GMPS: variants seen among roughly 807,000 people sequenced by gnomAD.
GMPS encodes GMP synthase [glutamine-hydrolyzing].
GMPS carries 15 observed loss-of-function variants against 77.9 expected under a neutral mutation model. The ratio of observed to expected loss-of-function variants is 0.19; its 90% CI spans 0.13 to 0.30. GMPS has a LOEUF of 0.30. GMPS is among the 10% of genes least tolerant of loss of function. The pLI, the probability that GMPS is intolerant of heterozygous loss-of-function variation, is 1.00. For missense variants in GMPS, 590 were observed against 838.8 expected (o/e 0.70, Z 3.66); for synonymous variants, 224 against 275.9 (o/e 0.81, Z 1.86).
intron 7 of GMPS, among the ~76,000 whole-genome samples, chr3:155,912,772 G>A (rs1159261711): frequency 1.3e-5 from 2 of 152,168 alleles, no homozygotes; most frequent in African/African-American, 4.8e-5. Flanking sequence ...CAACCTTGGG[G>A]TGGGGTGGGA....
chr3:155,934,104 A>G (rs1680519822), intron 13 of GMPS, among the ~76,000 whole-genome samples: 1 of 152,206 alleles, frequency 6.6e-6, no homozygotes, highest in Non-Finnish European at 1.5e-5. Context: ...AGATGAGTTT[A>G]CTAATTTTGG....
At chr3:155,904,885 A>G (rs1306495638) in intron 4 of GMPS, among the ~76,000 whole-genome samples, 2 of 152,216 alleles carry the variant, frequency 1.3e-5, no homozygotes, top group Non-Finnish European at 2.9e-5. Context: ...ATCACAACCT[A>G]TACTATTCCT....
At chr3:155,915,914 G>C in intron 8 of GMPS, 105 bp from the exon 9 acceptor site, 1 of 688,962 alleles carries the variant, frequency 1.5e-6, no homozygotes, top group Non-Finnish European at 2.4e-6. Flanking sequence ...TTTATTTTCT[G>C]ATCAGTATTT....
At chr3:155,894,540 A>T (rs1235963224) in intron 2 of GMPS, among the ~76,000 whole-genome samples, 1 of 151,834 alleles carries the variant, frequency 6.6e-6, no homozygotes, top group Non-Finnish European at 1.5e-5. Flanking sequence ...ATGCTTTTTA[A>T]TGCTTTTTTT....
chr3:155,889,410 A>G (rs1270476870), intron 1 of GMPS, among the ~76,000 whole-genome samples: 1 of 152,022 alleles, frequency 6.6e-6, no homozygotes. Flanking sequence ...CTTGTGTACT[A>G]TTGGTGTGGG....
At chr3:155,876,168 A>G (rs1051574655) in intron 1 of GMPS, among the ~76,000 whole-genome samples, 5 of 152,162 alleles carry the variant, frequency 3.3e-5, no homozygotes, top group Non-Finnish European at 5.9e-5. Flanking sequence ...CAAATACCCC[A>G]TATTTCCCAG....
At chr3:155,918,342 C>T (rs966403293) in intron 9 of GMPS, among the ~76,000 whole-genome samples, 3 of 152,168 alleles carry the variant, frequency 2.0e-5, no homozygotes, top group African/African-American at 7.2e-5. Flanking sequence ...GTCCCAGCTA[C>T]TCTGGAGGCT....
At position 155,942,464 on chromosome 3, in the gene GMPS, CAT is replaced by C; in HGVS notation, c.*4774_*4775del. On this transcript the variant is annotated 3_prime_UTR_variant, in exon 16 of 16. Transcript: ENST00000496455. The stretch of plus-strand genomic sequence containing the variant: ...ATACCTAGCCTGTCTTCATCAAACT[CAT>C]AGGTGAATCTTTGTCAAACCTATAG... The C allele has an allele frequency of 4.5e-6, 1 of 223,710 alleles. No individual in the cohort carries two copies. The highest frequency in any genetic ancestry group is 2.2e-5 in the African/African-American group (1 of 44,924). The allele number at this position is 223,710 out of a possible 1,614,324, so 13.9% of individuals were successfully genotyped here. A position where few individuals can be genotyped will look rare whatever the true frequency, so the allele number is the denominator to read the frequency against.
Position 155,939,156 on chromosome 3 carries a change from C to T in GMPS, c.*1464C>T, listed in dbSNP as rs966238028. 4.5e-6 allele frequency: 1 copy of T among 219,866 alleles called. No individual in the cohort carries two copies. The highest frequency in any genetic ancestry group is 9.1e-6 in the Non-Finnish European group (1 of 109,756). The allele number at this position is 219,866 out of a possible 1,614,324, so 13.6% of individuals were successfully genotyped here. A position where few individuals can be genotyped will look rare whatever the true frequency, so the allele number is the denominator to read the frequency against. ...TCTTAACAGAAATCTGTCCCCAAGACAAAGGGGTACTTGACTCCTACAAAA... is the reference window on the plus strand; with the variant it reads ...TCTTAACAGAAATCTGTCCCCAAGATAAAGGGGTACTTGACTCCTACAAAA... On this transcript the variant is annotated 3_prime_UTR_variant, in exon 16 of 16. Coordinates refer to ENST00000496455, the MANE Select transcript of GMPS (RefSeq NM_003875.3).
intron 1 of GMPS, 100 bp from the exon 2 acceptor site, chr3:155,893,418 C>A: frequency 2.8e-6 from 2 of 720,918 alleles, no homozygotes; most frequent in Non-Finnish European, 4.4e-6. Flanking sequence ...GTTTTCATTC[C>A]TATGTGTTTT....
At chr3:155,932,261 G>A (rs1310779782) in intron 13 of GMPS, among the ~76,000 whole-genome samples, 1 of 148,184 alleles carries the variant, frequency 6.7e-6, no homozygotes, top group Non-Finnish European at 1.5e-5. Flanking sequence ...CCAGGTTACA[G>A]AATTACAAAT....
chr3:155,893,245 A>AT (rs1754516991), intron 1 of GMPS, among the ~76,000 whole-genome samples: 1 of 152,234 alleles, frequency 6.6e-6, no homozygotes, highest in African/African-American at 2.4e-5. Context: ...CTACCATTAG[A>AT]TCATGCATGT....
At chr3:155,892,437 A>G (rs1754494043) in intron 1 of GMPS, among the ~76,000 whole-genome samples, 1 of 152,160 alleles carries the variant, frequency 6.6e-6, no homozygotes, top group Non-Finnish European at 1.5e-5. Context: ...TGTACCTATC[A>G]CCCAACTTCA....
Position 155,892,882 on chromosome 3 carries a change from T to G in GMPS, c.28-636T>G, listed in dbSNP as rs1754509193. 2.0e-5 allele frequency among the ~76,000 whole-genome samples: 3 copies of G among 152,354 alleles called. No homozygotes were observed. The South Asian group carries it at 6.2e-4, about 32-fold the overall frequency. On this transcript the variant is annotated intron_variant, in intron 1 of 15. Coordinates refer to ENST00000496455, the MANE Select transcript of GMPS (RefSeq NM_003875.3). ...CGTGACCTCAGGTAATCCACCTGCCTTGGCCTCCCAAAGTGCTGGGATTAC... is the reference window on the plus strand; with the variant it reads ...CGTGACCTCAGGTAATCCACCTGCCGTGGCCTCCCAAAGTGCTGGGATTAC...
In GMPS at chr3:155,934,938, C is replaced by G; in HGVS notation, c.1699C>G (p.Pro567Ala). 1 of 1,584,362 alleles carries G rather than the reference C, an allele frequency of 6.3e-7. No homozygotes were observed. The highest frequency in any genetic ancestry group is 8.7e-7 in the Non-Finnish European group (1 of 1,153,022). The change falls in exon 14 of 16, where the codon CCA becomes GCA. Residue 567 changes from proline to alanine, a missense_variant. Pro to Ala is a conservative substitution (Grantham distance 27, BLOSUM62 -1). Coordinates refer to ENST00000496455, the MANE Select transcript of GMPS (RefSeq NM_003875.3). ...CAGAGTTGTTTATATATTTGGCCCA[C>G]CAGTTAAAGAACCTCCTACAGATGT... The part of the protein sequence containing the change: ...VNRVVYIFGP[P>A]VKEPPTDVTP...
intron 1 of GMPS, among the ~76,000 whole-genome samples, chr3:155,876,526 G>T (rs769022568): frequency 6.6e-6 from 1 of 152,178 alleles, no homozygotes; most frequent in Non-Finnish European, 1.5e-5. Context: ...TAACAAACCC[G>T]TCCTATTTTA....
chr3:155,921,661 C>T lies in GMPS; in HGVS notation c.1319-526C>T, dbSNP rs141164726. Reference sequence around the variant, plus strand: ...GAAAAAATTAGCCAGGCATGGCTGCCGGTGCTTGTAATCCAAGCTATTTAG... The same window carrying T: ...GAAAAAATTAGCCAGGCATGGCTGCTGGTGCTTGTAATCCAAGCTATTTAG... On this transcript the variant is annotated intron_variant, in intron 10 of 15. Coordinates refer to ENST00000496455, the MANE Select transcript of GMPS (RefSeq NM_003875.3). Among the ~76,000 whole-genome samples, 247 of 152,092 alleles carry T rather than the reference C, an allele frequency of 1.6e-3. 5 individuals carry two copies. The East Asian group carries it at 0.041, about 25-fold the overall frequency.
At chr3:155,887,271 A>C (rs867219892) in intron 1 of GMPS, among the ~76,000 whole-genome samples, 1 of 152,076 alleles carries the variant, frequency 6.6e-6, no homozygotes, top group East Asian at 1.9e-4. Flanking sequence ...GAAGATTTGA[A>C]TCTGATTTTT....
At chr3:155,897,277 G>A (rs932212340) in intron 2 of GMPS, among the ~76,000 whole-genome samples, 3 of 152,092 alleles carry the variant, frequency 2.0e-5, no homozygotes, top group African/African-American at 7.2e-5. Context: ...TATTATAGTA[G>A]TTTGACTCCC....
Sources: gnomAD v4.1 joint callset for allele counts (sites outside exome capture counted in the v4.1 genomes callset) on GRCh38, gnomAD v4.1.1 for gene constraint, MANE v1.5 for transcripts, NCBI Gene and HGNC (gene_info 2026-07-23, HGNC 2026-07-21) for gene names.